The following C9orf153 variants were observed in gnomAD, a reference collection of about 807,000 sequenced individuals.
C9orf153 encodes chromosome 9 open reading frame 153, also known as uncharacterized protein C9orf153.
A neutral mutation model predicts 9.0 loss-of-function variants in C9orf153; 10 were observed. The ratio of observed to expected loss-of-function variants is 1.11; its 90% CI spans 0.69 to 1.89. The LOEUF (loss-of-function observed/expected upper bound fraction) is 1.89. Ranked by LOEUF, C9orf153 falls within the 40% of genes most tolerant of loss-of-function variation. The pLI, the probability that C9orf153 is intolerant of heterozygous loss-of-function variation, is 0.00. For missense variants in C9orf153, 108 were observed against 111.0 expected, an observed-to-expected ratio of 0.97 and a Z score of 0.12; for synonymous variants, 35 against 37.3, an observed-to-expected ratio of 0.94 and a Z score of 0.23.
intron 1 of C9orf153, among the ~76,000 whole-genome samples, chr9:86,236,001 A>G (rs1322537555): frequency 6.6e-6 from 1 of 152,108 alleles, no homozygotes; most frequent in African/African-American, 2.4e-5. Flanking sequence ...TAAACCCCCC[A>G]AAACAAAAAA....
intron 1 of C9orf153, among the ~76,000 whole-genome samples, chr9:86,237,134 C>CA (rs1824614301): frequency 2.0e-5 from 3 of 151,834 alleles, no homozygotes; most frequent in African/African-American, 7.3e-5. Context: ...TAGTTGTAAA[C>CA]ATATACTGCA....
chr9:86,249,721 CT>C (rs1421534055), intron 1 of C9orf153, among the ~76,000 whole-genome samples: 1 of 152,024 alleles, frequency 6.6e-6, no homozygotes, highest in Non-Finnish European at 1.5e-5. Flanking sequence ...ACTTATTTTT[CT>C]TTATAGTAAA....
At chr9:86,258,051 A>C (rs1393496065) in intron 1 of C9orf153, among the ~76,000 whole-genome samples, 1 of 152,106 alleles carries the variant, frequency 6.6e-6, no homozygotes. Context: ...TTTATTACTA[A>C]AATTTTTGTA....
chr9:86,259,205 C>G (rs1044570303), intron 1 of C9orf153, among the ~76,000 whole-genome samples: 64 of 152,092 alleles, frequency 4.2e-4, no homozygotes, highest in African/African-American at 1.5e-3. Context: ...GGTGCAAAGT[C>G]AGGACCAAGC....
chr9:86,241,028 C>T (rs1348731443), intron 1 of C9orf153, among the ~76,000 whole-genome samples: 1 of 151,814 alleles, frequency 6.6e-6, no homozygotes, highest in East Asian at 1.9e-4. Flanking sequence ...TCTTTTGTGC[C>T]CCTACCCCCT....
intron 1 of C9orf153, among the ~76,000 whole-genome samples, chr9:86,234,643 C>G (rs113643950): frequency 1.1e-4 from 17 of 152,242 alleles, no homozygotes; most frequent in African/African-American, 3.8e-4. Context: ...TTTTGTGACC[C>G]TGGCTTAGAC....
chr9:86,233,810 C>T (rs779113586), intron 1 of C9orf153, among the ~76,000 whole-genome samples: 2 of 152,150 alleles, frequency 1.3e-5, no homozygotes, highest in East Asian at 1.9e-4. Context: ...TTCGGCCGGG[C>T]GCGGTGACTG....
chr9:86,255,074 AAAG>A (rs892876465), intron 1 of C9orf153, among the ~76,000 whole-genome samples: 2 of 151,680 alleles, frequency 1.3e-5, no homozygotes, highest in African/African-American at 2.4e-5. Context: ...GAAAAAAAAA[AAAG>A]AGAGAGAAAA....
At chr9:86,235,741 CAAAAA>C (rs60165641) in intron 1 of C9orf153, among the ~76,000 whole-genome samples, 37 of 22,054 alleles carry the variant, frequency 1.7e-3, no homozygotes, top group African/African-American at 3.1e-3. Flanking sequence ...GACTCCATCT[CAAAAA>C]AAAAAAAAAA....
intron 1 of C9orf153, among the ~76,000 whole-genome samples, chr9:86,230,712 G>A (rs959316547): frequency 1.3e-5 from 2 of 152,114 alleles, no homozygotes; most frequent in Non-Finnish European, 2.9e-5. Context: ...GGAGGAAAAG[G>A]CTCATATGTA....
At chr9:86,228,903 G>T in intron 2 of C9orf153, 1 of 247,468 alleles carries the variant, frequency 4.0e-6, no homozygotes, top group South Asian at 7.3e-5. Flanking sequence ...AAGTGGTCCA[G>T]ACCCTGGAAC....
intron 1 of C9orf153, among the ~76,000 whole-genome samples, chr9:86,245,624 G>A (rs1419385937): frequency 2.0e-5 from 3 of 152,054 alleles, no homozygotes; most frequent in African/African-American, 7.2e-5. Context: ...ATTCATCTGT[G>A]GGGAGGCGAT....
chr9:86,255,562 T>C (rs1298112206), intron 1 of C9orf153, among the ~76,000 whole-genome samples: 2 of 152,198 alleles, frequency 1.3e-5, no homozygotes, highest in Non-Finnish European at 2.9e-5. Flanking sequence ...CCACCTTTGC[T>C]AGCCAGGCCT....
At chr9:86,242,088 G>C (rs1824756610) in intron 1 of C9orf153, among the ~76,000 whole-genome samples, 1 of 152,194 alleles carries the variant, frequency 6.6e-6, no homozygotes, top group Non-Finnish European at 1.5e-5. Flanking sequence ...ACTTTAAATA[G>C]GGTGGTTGTG....
chr9:86,243,338 T>C lies in C9orf153; in HGVS notation c.-26-13709A>G, dbSNP rs941941805. On this transcript the variant is annotated intron_variant, in intron 1 of 3. Transcript: ENST00000339137. ...ATGATGATAGAGAATAAATTAGATG[T>C]TCAAGTATAAACCTTTCACTACAAC... 2.0e-5 allele frequency among the ~76,000 whole-genome samples: 3 copies of C among 152,204 alleles called. 1 individual carries two copies. In the South Asian group the frequency reaches 6.2e-4, roughly 32 times the overall value.
intron 3 of C9orf153, among the ~76,000 whole-genome samples, chr9:86,222,044 C>G (rs545491071): frequency 1.3e-5 from 2 of 152,218 alleles, no homozygotes; most frequent in East Asian, 3.9e-4. Context: ...CGCCACCACA[C>G]CCGGTTACTT....
At chr9:86,231,545 C>A (rs1228562660) in intron 1 of C9orf153, among the ~76,000 whole-genome samples, 1 of 147,554 alleles carries the variant, frequency 6.8e-6, no homozygotes, top group African/African-American at 2.7e-5. Context: ...TAGAAAAACC[C>A]AGAATGGATA....
At chr9:86,222,753 A>G (rs1427323560) in intron 3 of C9orf153, among the ~76,000 whole-genome samples, 2 of 152,168 alleles carry the variant, frequency 1.3e-5, no homozygotes, top group Non-Finnish European at 2.9e-5. Flanking sequence ...CCAGGAGCCA[A>G]CGGGCCACGG....
chr9:86,228,090 G>A (rs1399638451), intron 2 of C9orf153, 60 bp from the exon 3 acceptor site: 2 of 1,275,606 alleles, frequency 1.6e-6, no homozygotes, highest in East Asian at 2.5e-5. Flanking sequence ...TATTCTGGCA[G>A]ACCTACAAAC....
Sources: gnomAD v4.1 joint callset for allele counts (sites outside exome capture counted in the v4.1 genomes callset) on GRCh38, gnomAD v4.1.1 for gene constraint, MANE v1.5 for transcripts, NCBI Gene and HGNC (gene_info 2026-07-23, HGNC 2026-07-21) for gene names.